RALYL: variants seen among roughly 807,000 people sequenced by gnomAD.
The protein encoded by RALYL is RNA-binding Raly-like protein.
RALYL carries 29 observed loss-of-function variants against 35.1 expected under a neutral mutation model. The ratio of observed to expected loss-of-function variants is 0.83; its 90% CI spans 0.61 to 1.13. The LOEUF (loss-of-function observed/expected upper bound fraction) is 1.13. Ranked by LOEUF, RALYL falls within the 50% of genes most tolerant of loss-of-function variation. The pLI, the probability that RALYL is intolerant of heterozygous loss-of-function variation, is 0.00. For synonymous variants in RALYL, 120 were observed against 127.6 expected (o/e 0.94, Z 0.40); for missense variants, 359 against 360.4 (o/e 1.00, Z 0.03).
chr8:84,528,296 A>C lies in RALYL; in HGVS notation c.-23-1003A>C, dbSNP rs9298426. Among the ~76,000 whole-genome samples, 25 of 152,198 alleles carry C rather than the reference A, an allele frequency of 1.6e-4. No individual in the cohort carries two copies. The East Asian group carries it at 4.4e-3, about 27-fold the overall frequency. On this transcript the variant is annotated intron_variant, in intron 1 of 8. Coordinates refer to ENST00000521268, the MANE Select transcript of RALYL (RefSeq NM_173848.7). ...GTGTCTATAAATTAATAGGTACTGT[A>C]AATGATGCATGACAAAAAATGGGTT... is the stretch of plus-strand genomic sequence containing the variant.
At chr8:84,886,850 T>G (rs1842981419) in intron 7 of RALYL, among the ~76,000 whole-genome samples, 1 of 152,178 alleles carries the variant, frequency 6.6e-6, no homozygotes, top group Admixed American at 6.6e-5. Context: ...TTTGATTCAC[T>G]ATACCAAACC....
chr8:84,578,015 C>G (rs1201777974), intron 2 of RALYL, among the ~76,000 whole-genome samples: 1 of 152,218 alleles, frequency 6.6e-6, no homozygotes. Flanking sequence ...CTTCGGCCCA[C>G]TGGGCTTGTT....
chr8:84,689,282 T>G (rs975786078), intron 2 of RALYL, among the ~76,000 whole-genome samples: 1 of 152,084 alleles, frequency 6.6e-6, no homozygotes, highest in Non-Finnish European at 1.5e-5. Flanking sequence ...CCTGTGTCCA[T>G]GTGTTCTCAT....
chr8:84,497,971 T>G (rs199657926), intron 1 of RALYL, among the ~76,000 whole-genome samples: 6 of 141,890 alleles, frequency 4.2e-5, no homozygotes, highest in African/African-American at 1.0e-4. Context: ...TTTTTTTTTT[T>G]GTTTTCAACT....
chr8:84,281,215 G>A (rs140739430), intron 1 of RALYL, among the ~76,000 whole-genome samples: 112 of 152,168 alleles, frequency 7.4e-4, no homozygotes, highest in African/African-American at 2.6e-3. Context: ...AAAATCACTT[G>A]GGATACTGGA....
chr8:84,754,182 G>A (rs1810791150), intron 2 of RALYL, among the ~76,000 whole-genome samples: 1 of 151,816 alleles, frequency 6.6e-6, no homozygotes, highest in African/African-American at 2.4e-5. Flanking sequence ...TGTTGCCATT[G>A]CTTTTGGTGT....
chr8:84,405,823 C>CTTTTTTTTTT lies in RALYL; in HGVS notation c.-23-123465_-23-123456dup, dbSNP rs776007226. ...GTTTAATAATCTAGATATTTTCATTCTTTTTTTTTTTTTTTTTTTTGAGAC... is the reference window on the plus strand; with the variant it reads ...GTTTAATAATCTAGATATTTTCATTCTTTTTTTTTTTTTTTTTTTTTTTTTTTTTTGAGAC... On this transcript the variant is annotated intron_variant, in intron 1 of 8. Transcript: ENST00000521268. Among the ~76,000 whole-genome samples, 8 of 118,136 alleles carry CTTTTTTTTTT rather than the reference C, an allele frequency of 6.8e-5. 1 individual carries two copies. In the South Asian group the frequency reaches 1.4e-3, roughly 20 times the overall value. 77.5% of individuals were successfully genotyped at this position (118,136 alleles called of 152,430 possible).
At chr8:84,272,358 T>C (rs2131960952) in intron 1 of RALYL, among the ~76,000 whole-genome samples, 1 of 152,272 alleles carries the variant, frequency 6.6e-6, no homozygotes, top group African/African-American at 2.4e-5. Context: ...TCTCCCAAAG[T>C]GCTGGGATTA....
chr8:84,651,098 C>T (rs185486083), intron 2 of RALYL, among the ~76,000 whole-genome samples: 2,175 of 152,056 alleles, frequency 0.014, 60 homozygotes, highest in African/African-American at 0.049. Flanking sequence ...GGAAGGATAG[C>T]TTTAGGAGAT....
chr8:84,314,449 A>G (rs1221424927), intron 1 of RALYL, among the ~76,000 whole-genome samples: 1 of 152,060 alleles, frequency 6.6e-6, no homozygotes, highest in East Asian at 1.9e-4. Flanking sequence ...ATACAAGTAT[A>G]TATGTATATT....
intron 3 of RALYL, among the ~76,000 whole-genome samples, chr8:84,799,466 A>T (rs16913321): frequency 0.037 from 5,602 of 152,336 alleles, 315 homozygotes; most frequent in African/African-American, 0.13. Context: ...ATCATATAAA[A>T]GTTGATGATC....
At chr8:84,464,802 G>T (rs1478387644) in intron 1 of RALYL, among the ~76,000 whole-genome samples, 1 of 147,552 alleles carries the variant, frequency 6.8e-6, no homozygotes, top group Non-Finnish European at 1.5e-5. Context: ...TCCAGCACCT[G>T]TTGTTTCCTG....
At chr8:84,420,778 T>A (rs1378612141) in intron 1 of RALYL, among the ~76,000 whole-genome samples, 1 of 113,366 alleles carries the variant, frequency 8.8e-6, no homozygotes, top group Non-Finnish European at 1.8e-5. Context: ...TAGCCAGTTT[T>A]CCCAGCACCA....
chr8:84,766,921 A>G (rs564083689), intron 2 of RALYL, among the ~76,000 whole-genome samples: 1 of 152,234 alleles, frequency 6.6e-6, no homozygotes, highest in South Asian at 2.1e-4. Flanking sequence ...GCTGAAGGGC[A>G]TAAGAAACTG....
chr8:84,602,598 T>A (rs115532818), intron 2 of RALYL, among the ~76,000 whole-genome samples: 358 of 152,260 alleles, frequency 2.4e-3, no homozygotes, highest in African/African-American at 5.4e-3. Context: ...TTTTAAAGAT[T>A]TAGTGCAAAC....
chr8:84,848,367 A>T (rs1835085561), intron 4 of RALYL, among the ~76,000 whole-genome samples: 1 of 151,610 alleles, frequency 6.6e-6, no homozygotes, highest in Non-Finnish European at 1.5e-5. Flanking sequence ...CTATTGGAGT[A>T]ATACTTTTAA....
intron 2 of RALYL, among the ~76,000 whole-genome samples, chr8:84,732,618 CAT>C (rs1204665620): frequency 6.7e-6 from 1 of 148,806 alleles, no homozygotes; most frequent in East Asian, 1.9e-4. Flanking sequence ...AAGGATAAAA[CAT>C]GTAATTTATC....
At chr8:84,234,767 TTA>T (rs68079708) in intron 1 of RALYL, among the ~76,000 whole-genome samples, 7 of 139,160 alleles carry the variant, frequency 5.0e-5, no homozygotes, top group South Asian at 2.2e-4. Flanking sequence ...ATTTATTTAT[TTA>T]TTTTTTTTTT....
chr8:84,845,411 T>G (rs1198349075), intron 4 of RALYL, among the ~76,000 whole-genome samples: 1 of 152,244 alleles, frequency 6.6e-6, no homozygotes, highest in African/African-American at 2.4e-5. Context: ...TTGATTTGCA[T>G]TTATCTAATG....
Sources: gnomAD v4.1 joint callset for allele counts (sites outside exome capture counted in the v4.1 genomes callset) on GRCh38, gnomAD v4.1.1 for gene constraint, MANE v1.5 for transcripts, NCBI Gene and HGNC (gene_info 2026-07-23, HGNC 2026-07-21) for gene names.